Variants in PRAME observed in about 807,000 individuals in gnomAD.
PRAME encodes melanoma antigen preferentially expressed in tumors.
PRAME carries 21 observed loss-of-function variants against 32.1 expected under a neutral mutation model. The observed-to-expected ratio is 0.65, with a 90% CI of 0.46 to 0.94. The LOEUF (loss-of-function observed/expected upper bound fraction) is 0.94, where lower values mean the gene tolerates loss of function less well. PRAME is among the 40% of genes least tolerant of loss of function. The pLI is 0.00. For missense variants in PRAME, 651 were observed against 622.3 expected (o/e 1.05, Z -0.49); for synonymous variants, 274 against 251.5 (o/e 1.09, Z -0.85).
intron 1 of PRAME, among the ~76,000 whole-genome samples, chr22:22,558,374 T>G (rs960484454): frequency 4.6e-4 from 2 of 4,314 alleles, no homozygotes. Context: ...GGGGTGGGGA[T>G]GGGGGAAGGG....
chr22:22,554,491 C>T (rs2266982), intron 3 of PRAME, among the ~76,000 whole-genome samples: 98,163 of 151,708 alleles, frequency 0.65, 32,176 homozygotes, highest in East Asian at 0.74. Context: ...CTTCACTCAT[C>T]AGCTGCGGGA....
chr22:22,547,897 T>G lies in PRAME; in HGVS notation c.*170A>C. 1 of 761,728 alleles carries G rather than the reference T, an allele frequency of 1.3e-6. No homozygotes were observed. Among genetic ancestry groups the G allele is most frequent in the Non-Finnish European group, 2.1e-6 (1 of 471,948 alleles). 47.2% of individuals were successfully genotyped at this position (761,728 alleles called of 1,614,324 possible). On this transcript the variant is annotated 3_prime_UTR_variant, in exon 6 of 6. Coordinates refer to ENST00000405655, the MANE Select transcript of PRAME (RefSeq NM_206956.3). ...TCTGCCTACCCCCAACTTCCCCTTT[T>G]TTTCCTCACTGAACATTTGTCTGAA...
intron 3 of PRAME, among the ~76,000 whole-genome samples, chr22:22,551,585 G>C (rs994771087): frequency 6.6e-6 from 1 of 151,230 alleles, no homozygotes; most frequent in Non-Finnish European, 1.5e-5. Flanking sequence ...TTTTAAATGA[G>C]AAACTACAGA....
rs199873817 is a variant in PRAME, at chr22:22,550,949, C to A, written c.162G>T (p.Pro54=). The change falls in exon 4 of 6, where the codon CCG becomes CCT. Residue 54 remains proline (P), a synonymous_variant. Coordinates refer to ENST00000405655, the MANE Select transcript of PRAME (RefSeq NM_206956.3). ...CGTCAAAGGCTGCCATGAAGAGTGG[C>A]GGGAAGAGCTCCCTGGGCAGCAACT... ...ALELLPRELF[P]PLFMAAFDGR... The A allele has an allele frequency of 1.2e-6, 2 of 1,613,642 alleles. No homozygotes were observed. The highest frequency in any genetic ancestry group is 4.5e-5 in the East Asian group (2 of 44,772).
Position 22,548,202 on chromosome 22 carries a change from G to C in PRAME, c.1395C>G (p.Ala465=). Residue 465 remains alanine, a synonymous_variant, in exon 6 of 6, where the codon GCC becomes GCG. Transcript: ENST00000405655. ...LHLERLAYLH[A]RLRELLCELG... ...ACTCACACAGCAACTCCCTGAGCCT[G>C]GCATGCAGATAGGCAAGCCTCTCCA... The C allele has an allele frequency of 1.2e-6, 2 of 1,613,826 alleles. No individual in the cohort carries two copies. Among genetic ancestry groups the C allele is most frequent in the Non-Finnish European group, 1.7e-6 (2 of 1,179,954 alleles).
intron 5 of PRAME, 70 bp from the exon 6 acceptor site, chr22:22,548,713 A>C: frequency 7.3e-7 from 1 of 1,378,166 alleles, no homozygotes; most frequent in South Asian, 1.3e-5. Flanking sequence ...AGAGAGGCCC[A>C]TTTCACCAAA....
chr22:22,553,326 G>T (rs1020349247), intron 3 of PRAME, among the ~76,000 whole-genome samples: 1 of 151,982 alleles, frequency 6.6e-6, no homozygotes, highest in Non-Finnish European at 1.5e-5. Context: ...GACTTTGAAA[G>T]TCAAGGCTGT....
At chr22:22,552,186 G>GA (rs1202381924) in intron 3 of PRAME, among the ~76,000 whole-genome samples, 3 of 144,090 alleles carry the variant, frequency 2.1e-5, no homozygotes, top group African/African-American at 7.7e-5. Context: ...AAAAGAAAAA[G>GA]AAAAAAATCT....
intron 3 of PRAME, chr22:22,554,168 C>T: frequency 4.1e-6 from 4 of 985,168 alleles, no homozygotes; most frequent in Non-Finnish European, 4.8e-6. Flanking sequence ...GGCCTGATCA[C>T]CCACTGGTGC....
intron 5 of PRAME, among the ~76,000 whole-genome samples, chr22:22,549,291 G>A (rs543117134): frequency 6.6e-6 from 1 of 151,892 alleles, no homozygotes; most frequent in South Asian, 2.1e-4. Flanking sequence ...TTACAGACAG[G>A]AAATTTGAGG....
At chr22:22,555,891 T>G (rs1318351100) in intron 3 of PRAME, 1 of 470,742 alleles carries the variant, frequency 2.1e-6, no homozygotes, top group Non-Finnish European at 4.4e-6. Context: ...GAGCTCATAC[T>G]CTCTGACACC....
At chr22:22,551,224 AC>A in intron 3 of PRAME, 135 bp from the exon 4 acceptor site, 1 of 738,002 alleles carries the variant, frequency 1.4e-6, no homozygotes, top group South Asian at 2.1e-5. Context: ...TTCTCAGTTT[AC>A]CCCGATTCCA....
At chr22:22,556,563 A>G (rs961365661) in intron 3 of PRAME, among the ~76,000 whole-genome samples, 4 of 151,846 alleles carry the variant, frequency 2.6e-5, no homozygotes, top group African/African-American at 9.7e-5. Context: ...CGCCCGCCTC[A>G]GCCTCCCAAA....
At chr22:22,548,924 T>TGA (rs1394905614) in intron 5 of PRAME, among the ~76,000 whole-genome samples, 2 of 151,834 alleles carry the variant, frequency 1.3e-5, no homozygotes, top group African/African-American at 4.8e-5. Context: ...GAGCATGAAT[T>TGA]GAATTGAGAG....
chr22:22,555,809 T>TGC, intron 3 of PRAME: 1 of 459,880 alleles, frequency 2.2e-6, no homozygotes, highest in South Asian at 1.6e-5. Flanking sequence ...GCAATCTTGT[T>TGC]GCTCACTTCC....
In PRAME at chr22:22,552,945, C is replaced by T. The variant is rs751439446; in HGVS notation, c.22-1856G>A. Reference sequence around the variant, plus strand: ...TTTCTGGGCATACCTCCCCTTTCAACTCCACGCTGCCAACGGAAGAGCCAA... The same window carrying T: ...TTTCTGGGCATACCTCCCCTTTCAATTCCACGCTGCCAACGGAAGAGCCAA... On this transcript the variant is annotated intron_variant, in intron 3 of 5. Coordinates refer to ENST00000405655, the MANE Select transcript of PRAME (RefSeq NM_206956.3). 8.5e-6 allele frequency: 4 copies of T among 470,746 alleles called. No individual in the cohort carries two copies. The Admixed American group carries it at 9.4e-5, about 11-fold the overall frequency. The allele number at this position is 470,746 out of a possible 1,614,324, so 29.2% of individuals were successfully genotyped here. A position where few individuals can be genotyped will look rare whatever the true frequency, so the allele number is the denominator to read the frequency against.
At chr22:22,551,199 G>T in intron 3 of PRAME, 110 bp from the exon 4 acceptor site, 5 of 1,003,770 alleles carry the variant, frequency 5.0e-6, no homozygotes, top group Non-Finnish European at 7.3e-6. Flanking sequence ...CACTGTGCTA[G>T]CAACAGCAGG....
Position 22,548,604 on chromosome 22 carries a change from G to A in PRAME, c.993C>T (p.Asn331=). 6.2e-7 allele frequency: 1 copy of A among 1,608,674 alleles called. No homozygotes were observed. Among genetic ancestry groups the A allele is most frequent in the East Asian group, 2.2e-5 (1 of 44,758 alleles). ...TCACATCCCCTTCCGAAAGCCGGCA[G>A]TTAGTTATTGAGAGGGTTTCCAAGG... The part of the protein sequence containing the change: ...MNPLETLSIT[N]CRLSEGDVMH... Residue 331 remains asparagine (N), a synonymous_variant, in exon 6 of 6, where the codon AAC becomes AAT. Coordinates refer to ENST00000405655, the MANE Select transcript of PRAME (RefSeq NM_206956.3).
chr22:22,553,175 C>T (rs2062702530), intron 3 of PRAME, among the ~76,000 whole-genome samples: 1 of 151,940 alleles, frequency 6.6e-6, no homozygotes, highest in South Asian at 2.1e-4. Flanking sequence ...TTATGAAGAG[C>T]ATCATGACAT....
Sources: gnomAD v4.1 joint callset for allele counts (sites outside exome capture counted in the v4.1 genomes callset) on GRCh38, gnomAD v4.1.1 for gene constraint, MANE v1.5 for transcripts, NCBI Gene and HGNC (gene_info 2026-07-23, HGNC 2026-07-21) for gene names.